The following SUPT3H variants were observed in gnomAD, a reference collection of about 807,000 sequenced individuals.
SUPT3H encodes the protein transcription initiation protein SPT3 homolog.
SUPT3H carries 44 observed loss-of-function variants against 44.3 expected under a neutral mutation model. The ratio of observed to expected loss-of-function variants is 0.99; its 90% CI spans 0.78 to 1.28. SUPT3H has a LOEUF of 1.28. SUPT3H is among the 50% of genes most tolerant of loss of function. The pLI is 0.00. For missense variants in SUPT3H, 380 were observed against 387.1 expected (o/e 0.98, Z 0.15); for synonymous variants, 124 against 125.6 (o/e 0.99, Z 0.09).
intron 2 of SUPT3H, among the ~76,000 whole-genome samples, chr6:45,290,024 TAAA>T (rs1325333597): frequency 6.6e-6 from 1 of 151,888 alleles, no homozygotes; most frequent in Admixed American, 6.6e-5. Flanking sequence ...ACAAAAATTT[TAAA>T]AAGTTAGTCA....
chr6:45,032,775 G>T (rs181798995), intron 3 of SUPT3H, among the ~76,000 whole-genome samples: 3 of 152,168 alleles, frequency 2.0e-5, no homozygotes, highest in East Asian at 3.9e-4. Flanking sequence ...TACTGCCCAG[G>T]TCCTCATAGA....
intron 3 of SUPT3H, among the ~76,000 whole-genome samples, chr6:45,038,261 T>C (rs1284048850): frequency 2.0e-5 from 3 of 152,172 alleles, no homozygotes; most frequent in Admixed American, 1.3e-4. Context: ...AGCTGGCTTG[T>C]TCAGAGGGTA....
At chr6:45,008,890 C>G (rs1783079812) in intron 5 of SUPT3H, among the ~76,000 whole-genome samples, 1 of 152,106 alleles carries the variant, frequency 6.6e-6, no homozygotes, top group East Asian at 1.9e-4. Flanking sequence ...CAGGCACACA[C>G]CACTATACCC....
intron 1 of SUPT3H, among the ~76,000 whole-genome samples, chr6:45,367,585 T>C (rs1331577482): frequency 6.6e-6 from 1 of 152,096 alleles, no homozygotes; most frequent in African/African-American, 2.4e-5. Context: ...CCTCAGGAAA[T>C]GTTCCCTTGT....
downstream of SUPT3H, among the ~76,000 whole-genome samples, chr6:44,822,707 TAAGAG>T (rs1447621696): frequency 6.6e-5 from 10 of 152,196 alleles, no homozygotes; most frequent in Non-Finnish European, 1.5e-4. Context: ...TATTTGTCTT[TAAGAG>T]AAAAGCTGTG....
intron 2 of SUPT3H, among the ~76,000 whole-genome samples, chr6:45,314,706 C>T (rs1003755719): frequency 2.0e-5 from 3 of 152,140 alleles, no homozygotes; most frequent in African/African-American, 7.2e-5. Context: ...TGAAAATCAT[C>T]ATACTGCCAA....
intron 2 of SUPT3H, among the ~76,000 whole-genome samples, chr6:45,152,436 C>A (rs1018770856): frequency 1.3e-5 from 2 of 152,116 alleles, no homozygotes; most frequent in Non-Finnish European, 2.9e-5. Context: ...ATCTGGTTGT[C>A]TGCTTTCACC....
intron 10 of SUPT3H, among the ~76,000 whole-genome samples, chr6:44,878,673 A>T (rs894144694): frequency 6.6e-6 from 1 of 152,148 alleles, no homozygotes; most frequent in Non-Finnish European, 1.5e-5. Flanking sequence ...TACAGCTCCC[A>T]GTGAGATTAA....
At chr6:45,256,985 C>T (rs369694529) in intron 2 of SUPT3H, among the ~76,000 whole-genome samples, 2 of 152,186 alleles carry the variant, frequency 1.3e-5, no homozygotes, top group Non-Finnish European at 2.9e-5. Context: ...TGTCGTAATT[C>T]GACGTTTAAT....
rs1768223203 is a variant in SUPT3H, at chr6:44,829,420, ATTTTGTTTCC to A, written c.*386_*395del. 1 of 159,068 alleles carries A rather than the reference ATTTTGTTTCC, an allele frequency of 6.3e-6. No homozygotes were observed. The highest frequency in any genetic ancestry group is 6.5e-5 in the Admixed American group (1 of 15,480). 9.9% of individuals were successfully genotyped at this position (159,068 alleles called of 1,614,324 possible). A position where few individuals can be genotyped will look rare whatever the true frequency, so the allele number is the denominator to read the frequency against. ...AAGGCGAAAACTCACTGTCCTTTTA[ATTTTGTTTCC>A]TTGTTCCAAACCTGGATTATAAAAT... On this transcript the variant is annotated 3_prime_UTR_variant, in exon 11 of 11. Transcript: ENST00000371459.
rs1002714825 is a variant in SUPT3H at position 45,178,560 on chromosome 6, C to T, written c.102-72554G>A. Among the ~76,000 whole-genome samples the T allele has an allele frequency of 3.9e-3, 597 of 151,972 alleles. 6 individuals carry two copies. The highest frequency in any genetic ancestry group is 0.014 in the African/African-American group (563 of 41,466). ...GAATTGAACTCAGCTCTGCACCAAGCGGACCTAATAGACATCTACAGAACT... is the reference window on the plus strand; with the variant it reads ...GAATTGAACTCAGCTCTGCACCAAGTGGACCTAATAGACATCTACAGAACT... On this transcript the variant is annotated intron_variant, in intron 2 of 10. Transcript: ENST00000371459.
At position 45,146,019 on chromosome 6, in the gene SUPT3H, A is replaced by G. The variant is rs866295943; in HGVS notation, c.102-40013T>C. Among the ~76,000 whole-genome samples, 4 of 152,138 alleles carry G rather than the reference A, an allele frequency of 2.6e-5. No homozygotes were observed. The South Asian group carries it at 8.3e-4, about 31-fold the overall frequency. Reference sequence around the variant, plus strand: ...ATAATTTAAAAAATCAAAAAATAATAGATGTTGGAGTGGATGTGGTATAAA... The same window carrying G: ...ATAATTTAAAAAATCAAAAAATAATGGATGTTGGAGTGGATGTGGTATAAA... On this transcript the variant is annotated intron_variant, in intron 2 of 10. Transcript: ENST00000371459.
In SUPT3H at chr6:45,364,652, G is replaced by C. The variant is rs185290194; in HGVS notation, c.101+549C>G. On this transcript the variant is annotated intron_variant, in intron 2 of 10. Coordinates refer to ENST00000371459, the MANE Select transcript of SUPT3H (RefSeq NM_003599.4). Reference sequence around the variant, plus strand: ...GAAATCAAGATGAACAGAGCCTTAAGAAATCTTAATGACTCTGCAATTTCC... The same window carrying C: ...GAAATCAAGATGAACAGAGCCTTAACAAATCTTAATGACTCTGCAATTTCC... Among the ~76,000 whole-genome samples, 128 of 152,256 alleles carry C rather than the reference G, an allele frequency of 8.4e-4. 1 individual carries two copies. The highest frequency in any genetic ancestry group is 6.8e-3 in the Middle Eastern group (2 of 292).
intron 10 of SUPT3H, among the ~76,000 whole-genome samples, chr6:44,834,381 C>T (rs1257511768): frequency 6.6e-6 from 1 of 152,118 alleles, no homozygotes; most frequent in Non-Finnish European, 1.5e-5. Flanking sequence ...TTACCTGTAT[C>T]TCTCACTTTA....
At chr6:45,124,039 T>C (rs1385597164) in intron 2 of SUPT3H, among the ~76,000 whole-genome samples, 1 of 152,182 alleles carries the variant, frequency 6.6e-6, no homozygotes, top group Non-Finnish European at 1.5e-5. Flanking sequence ...TGCCAATCCC[T>C]GGTATAATCA....
chr6:45,106,090 GT>G (rs1381273194), intron 2 of SUPT3H, 84 bp from the exon 3 acceptor site: 9 of 1,109,844 alleles, frequency 8.1e-6, no homozygotes, highest in Non-Finnish European at 1.2e-5. Flanking sequence ...ACATGAATCA[GT>G]TTAGTAAGGA....
intron 2 of SUPT3H, among the ~76,000 whole-genome samples, chr6:45,167,610 T>G (rs910862967): frequency 1.3e-5 from 2 of 152,120 alleles, no homozygotes; most frequent in African/African-American, 4.8e-5. Flanking sequence ...ATTTTTTATC[T>G]TAGGAATTTC....
At chr6:45,272,610 A>C (rs1450088254) in intron 2 of SUPT3H, among the ~76,000 whole-genome samples, 2 of 152,200 alleles carry the variant, frequency 1.3e-5, no homozygotes, top group Non-Finnish European at 2.9e-5. Flanking sequence ...AAGAAAAAGA[A>C]GTCAGAAGAA....
intron 3 of SUPT3H, among the ~76,000 whole-genome samples, chr6:45,041,809 G>A (rs137912245): frequency 8.6e-5 from 13 of 152,040 alleles, no homozygotes; most frequent in African/African-American, 3.1e-4. Context: ...ATATTCTCAG[G>A]ACTCAGTAAT....
Sources: allele counts gnomAD v4.1 joint callset (sites outside exome capture counted in the v4.1 genomes callset), GRCh38; gene constraint gnomAD v4.1.1; transcripts MANE v1.5; gene names NCBI Gene and HGNC (gene_info 2026-07-23, HGNC 2026-07-21).